Variants in IKBIP observed in about 807,000 individuals in gnomAD.
IKBIP encodes the protein IKBKB interacting protein.
Under a neutral mutation model 31.0 loss-of-function variants are expected in IKBIP, and 28 were observed. The observed-to-expected ratio is 0.90, with a 90% CI of 0.67 to 1.24. The LOEUF is 1.24. IKBIP is among the 50% of genes most tolerant of loss of function. The probability of loss-of-function intolerance (pLI) is 0.00; values close to 1 mark genes in which losing one functional copy is unlikely to be tolerated. For missense variants in IKBIP, 453 were observed against 441.9 expected, an observed-to-expected ratio of 1.03 and a Z score of -0.23; for synonymous variants, 164 against 160.3, an observed-to-expected ratio of 1.02 and a Z score of -0.17.
rs1408690966 is a variant in IKBIP at position 98,644,584 on chromosome 12, A to G, written c.118T>C (p.Trp40Arg). 1.2e-6 allele frequency: 2 copies of G among 1,609,318 alleles called. No homozygotes were observed. Among genetic ancestry groups the G allele is most frequent in the African/African-American group, 1.3e-5 (1 of 74,712 alleles). The change falls in exon 1 of 3, where the codon TGG becomes CGG. Residue 40 changes from tryptophan to arginine, a missense_variant. Trp to Arg is a moderately radical substitution (Grantham distance 101). Transcript: ENST00000299157. ...PVARSSGGGG[W>R]ADPRTCLSLL... ...CTCAGGCACGTTCGGGGGTCTGCCC[A>G]GCCCCCGCCTCCGCTGCTCCGGGCC... is the stretch of plus-strand genomic sequence containing the variant.
intron 2 of IKBIP, among the ~76,000 whole-genome samples, chr12:98,616,123 T>C (rs1353299852): frequency 6.6e-6 from 1 of 152,148 alleles, no homozygotes; most frequent in Admixed American, 6.6e-5. Flanking sequence ...GTACGATGGT[T>C]CCCTTTTCTC....
exon 3 of IKBIP, chr12:98,613,558 C>T: frequency 8.1e-7 from 1 of 1,240,190 alleles, no homozygotes. Flanking sequence ...AAAAAAATTA[C>T]CTTAGTCTAA....
At chr12:98,623,560 C>CTTTTT (rs35433597), downstream of IKBIP, among the ~76,000 whole-genome samples, 35 of 64,196 alleles carry the variant, frequency 5.5e-4, no homozygotes, top group East Asian at 2.2e-3. Flanking sequence ...CCTCCTTACA[C>CTTTTT]TTTTTTTTTT....
chr12:98,615,355 C>T (rs2097605681), intron 2 of IKBIP, among the ~76,000 whole-genome samples: 1 of 152,048 alleles, frequency 6.6e-6, no homozygotes, highest in Non-Finnish European at 1.5e-5. Flanking sequence ...GCCTCAGTCT[C>T]CAGAGTAGAT....
intron 1 of IKBIP, among the ~76,000 whole-genome samples, chr12:98,636,993 T>G (rs1456469246): frequency 2.0e-5 from 3 of 152,088 alleles, no homozygotes; most frequent in Admixed American, 6.6e-5. Context: ...CCACCATAGA[T>G]CTATACTATA....
chr12:98,633,537 G>T (rs1322894937), intron 2 of IKBIP, among the ~76,000 whole-genome samples: 2 of 64,532 alleles, frequency 3.1e-5, no homozygotes, highest in Non-Finnish European at 2.9e-5. Context: ...TTTTTTTTGA[G>T]ACGGATCCTC....
intron 2 of IKBIP, among the ~76,000 whole-genome samples, chr12:98,629,418 G>A (rs992403507): frequency 6.6e-6 from 1 of 151,658 alleles, no homozygotes; most frequent in Admixed American, 6.6e-5. Context: ...AATTAGTTGG[G>A]CATGGTGGTG....
At position 98,631,284 on chromosome 12, in the gene IKBIP, A is replaced by G. The variant is rs1023485453; in HGVS notation, c.297+3012T>C. On this transcript the variant is annotated intron_variant, in intron 2 of 2. Coordinates refer to ENST00000299157, the MANE Select transcript of IKBIP (RefSeq NM_153687.4). Reference sequence around the variant, plus strand: ...TAATGATATTTTAAAAATCTGCTTCAAAAGCTTTTTTTTTGAGATGGAGTC... The same window carrying G: ...TAATGATATTTTAAAAATCTGCTTCGAAAGCTTTTTTTTTGAGATGGAGTC... Among the ~76,000 whole-genome samples, 5 of 143,824 alleles carry G rather than the reference A, an allele frequency of 3.5e-5. No homozygotes were observed. The South Asian group carries it at 8.9e-4, about 26-fold the overall frequency. 94.4% of individuals were successfully genotyped at this position (143,824 alleles called of 152,430 possible). A position where few individuals can be genotyped will look rare whatever the true frequency, so the allele number is the denominator to read the frequency against.
rs186928762 is a variant in IKBIP at position 98,625,057 on chromosome 12, G to C, written c.*873C>G. The C allele has an allele frequency of 5.9e-4, 466 of 785,920 alleles. 11 individuals are homozygous for C. The East Asian group carries it at 0.047, about 79-fold the overall frequency. The allele number at this position is 785,920 out of a possible 1,614,324, so 48.7% of individuals were successfully genotyped here. On this transcript the variant is annotated 3_prime_UTR_variant, in exon 3 of 3. Transcript: ENST00000299157. ...CTGACTTCGTGATCTGCCCACCTCG[G>C]CCTCCCAAAGTGCTAGGATTACAGG...
rs1555212500 is a variant in IKBIP at position 98,643,812 on chromosome 12, G to GTTTTCTTTTTTTTTTTTTTCC, written c.179+710_179+711insGGAAAAAAAAAAAAAAGAAAA. Among the ~76,000 whole-genome samples the GTTTTCTTTTTTTTTTTTTTCC allele has an allele frequency of 7.6e-5, 10 of 131,126 alleles. No homozygotes were observed. In the South Asian group the frequency reaches 2.2e-3, roughly 29 times the overall value. 86.0% of individuals were successfully genotyped at this position (131,126 alleles called of 152,430 possible). The stretch of plus-strand genomic sequence containing the variant: ...GCTCCTTTGGGAGCATAATGATATG[G>GTTTTCTTTTTTTTTTTTTTCC]TTTTCTTTTTTTTTTTTTTTTGAGA... On this transcript the variant is annotated intron_variant, in intron 1 of 2. Coordinates refer to ENST00000299157, the MANE Select transcript of IKBIP (RefSeq NM_153687.4).
At chr12:98,613,789 C>G (rs772334127) in exon 3 of IKBIP, 1 of 1,610,404 alleles carries the variant, frequency 6.2e-7, no homozygotes, top group Non-Finnish European at 8.5e-7. Context: ...GATTATACAC[C>G]TTTGGTTTTA....
At chr12:98,616,817 C>T (rs1029573625) in intron 2 of IKBIP, among the ~76,000 whole-genome samples, 2 of 152,022 alleles carry the variant, frequency 1.3e-5, no homozygotes, top group African/African-American at 4.8e-5. Context: ...TATTTCTGGG[C>T]TCTCTGTTCC....
chr12:98,626,893 G>T, intron 2 of IKBIP, 127 bp from the exon 3 acceptor site: 1 of 664,436 alleles, frequency 1.5e-6, no homozygotes, highest in Non-Finnish European at 2.5e-6. Context: ...AAATATCCAA[G>T]TATATCAGAA....
intron 2 of IKBIP, among the ~76,000 whole-genome samples, chr12:98,633,962 C>T (rs1037867252): frequency 2.0e-5 from 3 of 152,128 alleles, no homozygotes; most frequent in Non-Finnish European, 4.4e-5. Flanking sequence ...TGAGATCGAG[C>T]GCATTCAGGG....
chr12:98,620,241 A>G (rs539115208), downstream of IKBIP, among the ~76,000 whole-genome samples: 1 of 151,868 alleles, frequency 6.6e-6, no homozygotes, highest in South Asian at 2.1e-4. Context: ...TTAAATTCCT[A>G]TCATATATTC....
At chr12:98,629,515 T>C (rs980509179) in intron 2 of IKBIP, among the ~76,000 whole-genome samples, 10 of 152,144 alleles carry the variant, frequency 6.6e-5, no homozygotes, top group Admixed American at 5.2e-4. Flanking sequence ...GCTATGATCA[T>C]GCCACTGCAT....
At chr12:98,643,533 T>A (rs1391937235) in intron 1 of IKBIP, among the ~76,000 whole-genome samples, 1 of 152,208 alleles carries the variant, frequency 6.6e-6, no homozygotes, top group Non-Finnish European at 1.5e-5. Context: ...AAGTTGGTTT[T>A]TTTCTTTTTT....
intron 1 of IKBIP, among the ~76,000 whole-genome samples, chr12:98,640,530 C>T (rs2097629488): frequency 6.6e-6 from 1 of 152,138 alleles, no homozygotes; most frequent in South Asian, 2.1e-4. Flanking sequence ...AAAATTTTCA[C>T]AATGGAAATT....
intron 2 of IKBIP, among the ~76,000 whole-genome samples, chr12:98,615,847 G>A (rs1356510591): frequency 6.6e-6 from 1 of 152,112 alleles, no homozygotes; most frequent in Non-Finnish European, 1.5e-5. Context: ...TTTTTAAAGG[G>A]AGAACCGCAT....
Sources: gnomAD v4.1 joint callset for allele counts (sites outside exome capture counted in the v4.1 genomes callset) on GRCh38, gnomAD v4.1.1 for gene constraint, MANE v1.5 for transcripts, NCBI Gene and HGNC (gene_info 2026-07-23, HGNC 2026-07-21) for gene names.